Variants in XKR9 observed in about 807,000 individuals in gnomAD.
XKR9 encodes XK related 9, also known as XK-related protein 9.
Under a neutral mutation model 32.0 loss-of-function variants are expected in XKR9, and 32 were observed. The ratio of observed to expected loss-of-function variants is 1.00; its 90% CI spans 0.76 to 1.34. XKR9 has a LOEUF of 1.34. Among genes scored for constraint, XKR9 ranks in the 40% most tolerant of loss-of-function variants. The pLI is 0.00. For synonymous variants in XKR9, 168 were observed against 143.4 expected (o/e 1.17, Z -1.22); for missense variants, 546 against 429.7 (o/e 1.27, Z -2.39).
At chr8:70,767,632 G>A (rs1434276603) in intron 2 of XKR9, among the ~76,000 whole-genome samples, 1 of 151,222 alleles carries the variant, frequency 6.6e-6, no homozygotes, top group Admixed American at 6.6e-5. Context: ...AAGTAGCTGG[G>A]ACTACAGGTG....
chr8:70,760,183 T>C (rs1349521590), intron 2 of XKR9, among the ~76,000 whole-genome samples: 1 of 152,202 alleles, frequency 6.6e-6, no homozygotes, highest in Non-Finnish European at 1.5e-5. Flanking sequence ...CATTTTTTTT[T>C]ACCCATTCTT....
the XKR9 span, among the ~76,000 whole-genome samples, chr8:70,990,733 A>AAGAGAGAGAGAGAG: frequency 7.0e-6 from 1 of 143,192 alleles, no homozygotes; most frequent in African/African-American, 2.6e-5. Context: ...TTGGCAGAAT[A>AAGAGAGAGAGAGAG]AGAGAGAGAG....
chr8:70,824,701 A>T, the XKR9 span, among the ~76,000 whole-genome samples: 1 of 152,140 alleles, frequency 6.6e-6, no homozygotes, highest in Non-Finnish European at 1.5e-5. Flanking sequence ...TGGAGGAGCC[A>T]TGGCAGACAT....
intron 2 of XKR9, among the ~76,000 whole-genome samples, chr8:70,744,297 C>T (rs181616320): frequency 5.0e-4 from 68 of 136,228 alleles, no homozygotes; most frequent in African/African-American, 1.8e-3. Flanking sequence ...GGTGACAGAG[C>T]GAGACTTCGC....
At chr8:70,760,390 C>T (rs1807291552) in intron 2 of XKR9, among the ~76,000 whole-genome samples, 1 of 152,238 alleles carries the variant, frequency 6.6e-6, no homozygotes, top group South Asian at 2.1e-4. Context: ...AGTATGTGCA[C>T]CTTAGAGTCG....
the XKR9 span, among the ~76,000 whole-genome samples, chr8:70,953,017 G>A: frequency 6.6e-6 from 1 of 152,218 alleles, no homozygotes; most frequent in Admixed American, 6.5e-5. Context: ...AGAACTGAAT[G>A]TGGCATGAGC....
the XKR9 span, among the ~76,000 whole-genome samples, chr8:70,812,221 G>C: frequency 1.3e-5 from 2 of 152,130 alleles, no homozygotes; most frequent in Admixed American, 1.3e-4. Flanking sequence ...TGCAGAAAAG[G>C]CCTTTGACAA....
At chr8:70,859,514 A>G in the XKR9 span, among the ~76,000 whole-genome samples, 2 of 152,280 alleles carry the variant, frequency 1.3e-5, no homozygotes, top group African/African-American at 4.8e-5. Context: ...AAAGGAAAGA[A>G]GATCATTATA....
intron 3 of XKR9, among the ~76,000 whole-genome samples, chr8:70,697,959 A>T (rs1436470191): frequency 1.3e-5 from 2 of 151,972 alleles, no homozygotes; most frequent in African/African-American, 2.4e-5. Flanking sequence ...TAGATTTTCT[A>T]GTTTATTTGT....
At chr8:70,876,527 G>T in the XKR9 span, among the ~76,000 whole-genome samples, 1 of 152,124 alleles carries the variant, frequency 6.6e-6, no homozygotes, top group Non-Finnish European at 1.5e-5. Context: ...TGCAAAAAAT[G>T]GTCCTTAGCT....
At chr8:71,033,637 C>T in the XKR9 span, among the ~76,000 whole-genome samples, 1 of 152,110 alleles carries the variant, frequency 6.6e-6, no homozygotes, top group Non-Finnish European at 1.5e-5. Context: ...AGTTGTTGCT[C>T]TCATGGGAAT....
the XKR9 span, among the ~76,000 whole-genome samples, chr8:70,969,695 A>G: frequency 6.6e-6 from 1 of 152,198 alleles, no homozygotes; most frequent in South Asian, 2.1e-4. Context: ...AGTGTTTTAA[A>G]TGCATGAATT....
At chr8:70,905,388 C>A in the XKR9 span, among the ~76,000 whole-genome samples, 1 of 152,034 alleles carries the variant, frequency 6.6e-6, no homozygotes, top group African/African-American at 2.4e-5. Flanking sequence ...ATCACTGATA[C>A]CCTTCCTTCC....
chr8:70,895,835 A>AAC, the XKR9 span, among the ~76,000 whole-genome samples: 1 of 151,266 alleles, frequency 6.6e-6, no homozygotes, highest in South Asian at 2.1e-4. Flanking sequence ...AAAAAAAAAA[A>AAC]AAAGAAAAAA....
rs150916752 is a variant in XKR9 at position 70,734,118 on chromosome 8, C to T, written c.816C>T (p.Ile272=). 3 of 1,612,404 alleles carry T rather than the reference C, an allele frequency of 1.9e-6. No homozygotes were observed. Among genetic ancestry groups the T allele is most frequent in the South Asian group, 1.1e-5 (1 of 90,960 alleles). Reference sequence around the variant, plus strand: ...GGATTGTTGTTGGATTCATTCTTATCTTTACATTTTTTAATATTAAGGGAC... The same window carrying T: ...GGATTGTTGTTGGATTCATTCTTATTTTTACATTTTTTAATATTAAGGGAC... ...LYRIVVGFIL[I]FTFFNIKGQN... The change falls in exon 5 of 5, where the codon ATC becomes ATT. Residue 272 remains isoleucine (I), a synonymous_variant. Coordinates refer to ENST00000408926, the MANE Select transcript of XKR9 (RefSeq NM_001011720.2).
the XKR9 span, among the ~76,000 whole-genome samples, chr8:70,949,973 G>T: frequency 2.4e-4 from 36 of 152,182 alleles, no homozygotes; most frequent in Non-Finnish European, 4.3e-4. Context: ...TGCCTGCAAG[G>T]CTCTATGGCC....
At chr8:70,884,778 C>G in the XKR9 span, among the ~76,000 whole-genome samples, 86,079 of 151,922 alleles carry the variant, frequency 0.57, 25,410 homozygotes, top group Middle Eastern at 0.62. Context: ...TCCTTGTCTT[C>G]ATAACTGTAG....
At chr8:71,033,877 C>A in the XKR9 span, among the ~76,000 whole-genome samples, 1 of 152,156 alleles carries the variant, frequency 6.6e-6, no homozygotes, top group Non-Finnish European at 1.5e-5. Flanking sequence ...TTATAAATTA[C>A]CCAACCTCAG....
At chr8:70,814,482 G>A in the XKR9 span, among the ~76,000 whole-genome samples, 3 of 150,964 alleles carry the variant, frequency 2.0e-5, no homozygotes, top group Non-Finnish European at 4.4e-5. Context: ...TTATACCTGA[G>A]AAGCAGGACA....
Sources: gnomAD v4.1 joint callset for allele counts (sites outside exome capture counted in the v4.1 genomes callset) on GRCh38, gnomAD v4.1.1 for gene constraint, MANE v1.5 for transcripts, NCBI Gene and HGNC (gene_info 2026-07-23, HGNC 2026-07-21) for gene names.